SMIM36: variants seen among roughly 807,000 people sequenced by gnomAD.
The protein encoded by SMIM36 is small integral membrane protein 36.
the SMIM36 span, chr17:55,526,863 A>G: frequency 6.6e-6 from 1 of 151,996 alleles, no homozygotes; most frequent in Non-Finnish European, 1.5e-5. Flanking sequence ...ATAATAATGC[A>G]TTTGCTGGAA....
the SMIM36 span, among the ~76,000 whole-genome samples, chr17:55,521,466 C>T: frequency 6.6e-6 from 1 of 152,168 alleles, no homozygotes; most frequent in Non-Finnish European, 1.5e-5. Context: ...TCTGTATTTC[C>T]TTATCTGAAT....
intron 3 of SMIM36, among the ~76,000 whole-genome samples, chr17:55,475,512 TTC>T (rs1465396574): frequency 1.3e-5 from 2 of 152,200 alleles, no homozygotes; most frequent in African/African-American, 2.4e-5. Flanking sequence ...GGCTTTGCAT[TTC>T]TCTTTCCTCC....
chr17:55,461,355 C>A lies in SMIM36; in HGVS notation c.*531+5790G>T, dbSNP rs1336137063. ...GCAACAACATGGATAAATCTCAACACATAATACTAAATGGAAAAGCCATAC... is the reference window on the plus strand; with the variant it reads ...GCAACAACATGGATAAATCTCAACAAATAATACTAAATGGAAAAGCCATAC... On this transcript the variant is annotated intron_variant, in intron 4 of 4. Coordinates refer to ENST00000636752, the Ensembl canonical transcript of SMIM36. Among the ~76,000 whole-genome samples the A allele has an allele frequency of 2.0e-5, 3 of 152,092 alleles. No individual in the cohort carries two copies. In the East Asian group the frequency reaches 5.8e-4, roughly 29 times the overall value.
chr17:55,482,859 T>G (rs1306949277), intron 1 of SMIM36, among the ~76,000 whole-genome samples: 1 of 152,226 alleles, frequency 6.6e-6, no homozygotes, highest in Non-Finnish European at 1.5e-5. Context: ...ATGTGAGACC[T>G]GAGAGTAAAG....
chr17:55,491,129 C>G (rs966927888), intron 1 of SMIM36, among the ~76,000 whole-genome samples: 1 of 151,296 alleles, frequency 6.6e-6, no homozygotes, highest in East Asian at 1.9e-4. Context: ...GTAGTTTCAG[C>G]TACTCGGGAG....
intron 3 of SMIM36, among the ~76,000 whole-genome samples, 162 bp downstream of exon 3, chr17:55,478,600 C>T (rs962002841): frequency 5.3e-5 from 8 of 152,120 alleles, no homozygotes. Flanking sequence ...AGTAGTCAAA[C>T]TCAAGAGGAT....
intron 3 of SMIM36, among the ~76,000 whole-genome samples, chr17:55,472,788 A>C (rs551745816): frequency 1.5e-4 from 23 of 151,510 alleles, no homozygotes; most frequent in African/African-American, 5.3e-4. Context: ...GAATTGCTTG[A>C]AACCGGGAGG....
At chr17:55,525,853 T>C in the SMIM36 span, among the ~76,000 whole-genome samples, 2 of 152,108 alleles carry the variant, frequency 1.3e-5, no homozygotes, top group African/African-American at 4.8e-5. Flanking sequence ...AGATGGGGTT[T>C]CTCCATGTTG....
chr17:55,511,193 G>A (rs1373878402), exon 1 of SMIM36: 3 of 398,520 alleles, frequency 7.5e-6, no homozygotes, highest in Non-Finnish European at 1.3e-5. Flanking sequence ...GTGGCCTCGG[G>A]CGCGTACTCC....
intron 1 of SMIM36, among the ~76,000 whole-genome samples, chr17:55,495,628 A>AT (rs34617289): frequency 0.034 from 4,938 of 145,190 alleles, 90 homozygotes; most frequent in African/African-American, 0.053. Flanking sequence ...GTCTCTATAA[A>AT]TTTTTTTTTT....
chr17:55,501,988 TCCCA>T (rs1289854283), intron 1 of SMIM36, among the ~76,000 whole-genome samples: 1 of 150,592 alleles, frequency 6.6e-6, no homozygotes, highest in Non-Finnish European at 1.5e-5. Context: ...ATCGGGTCAC[TCCCA>T]CCCGAATATT....
intron 1 of SMIM36, among the ~76,000 whole-genome samples, chr17:55,495,361 C>G (rs554900530): frequency 5.3e-5 from 8 of 152,316 alleles, no homozygotes; most frequent in African/African-American, 1.4e-4. Context: ...GATGGTGATT[C>G]ACCAGCATGC....
chr17:55,507,453 TCA>T (rs1910093613), intron 1 of SMIM36, among the ~76,000 whole-genome samples: 1 of 115,736 alleles, frequency 8.6e-6, no homozygotes, highest in South Asian at 3.5e-4. Flanking sequence ...TTGGAAATCA[TCA>T]TTCTCAGTAA....
chr17:55,476,022 C>T (rs958501926), intron 3 of SMIM36, among the ~76,000 whole-genome samples: 2 of 152,102 alleles, frequency 1.3e-5, no homozygotes, highest in African/African-American at 4.8e-5. Context: ...TTTTCGCCAC[C>T]CCAACATTTC....
chr17:55,527,692 A>G, the SMIM36 span: 2 of 152,174 alleles, frequency 1.3e-5, no homozygotes, highest in Admixed American at 6.5e-5. Context: ...TCTTGGAGAG[A>G]AACACTGCAT....
At chr17:55,493,309 T>C (rs559283632) in intron 1 of SMIM36, among the ~76,000 whole-genome samples, 7 of 152,292 alleles carry the variant, frequency 4.6e-5, no homozygotes, top group African/African-American at 1.7e-4. Context: ...GCTGAGTAAG[T>C]GAAGCTAGTG....
chr17:55,476,650 C>G (rs754776975), intron 3 of SMIM36, among the ~76,000 whole-genome samples: 2 of 152,116 alleles, frequency 1.3e-5, no homozygotes, highest in Non-Finnish European at 2.9e-5. Flanking sequence ...TCACTGCAAC[C>G]TCCACCTCCC....
At chr17:55,511,278 C>A (rs779935009) in exon 1 of SMIM36, 6 of 398,486 alleles carry the variant, frequency 1.5e-5, no homozygotes, top group African/African-American at 1.2e-4. Context: ...TGACGTAGCT[C>A]GCAACTAGGA....
chr17:55,510,329 G>A (rs1176220206), intron 1 of SMIM36, among the ~76,000 whole-genome samples: 3 of 152,244 alleles, frequency 2.0e-5, no homozygotes, highest in South Asian at 4.1e-4. Flanking sequence ...CCTTGACTGG[G>A]TGCAGCAGCT....
Sources: allele counts gnomAD v4.1 joint callset (sites outside exome capture counted in the v4.1 genomes callset), GRCh38; gene constraint gnomAD v4.1.1; transcripts MANE v1.5; gene names NCBI Gene and HGNC (gene_info 2026-07-23, HGNC 2026-07-21).